Variants in GPC5 observed in about 807,000 individuals in gnomAD.
GPC5 encodes the protein glypican-5.
A neutral mutation model predicts 53.9 loss-of-function variants in GPC5; 47 were observed. The observed-to-expected ratio is 0.87, with a 90% confidence interval of 0.69 to 1.11. The LOEUF (loss-of-function observed/expected upper bound fraction) is 1.11. GPC5 is among the 50% of genes most tolerant of loss of function. GPC5 has a pLI of 0.00. For synonymous variants in GPC5, 286 were observed against 263.3 expected, an observed-to-expected ratio of 1.09 and a Z score of -0.84; for missense variants, 748 against 713.1, an observed-to-expected ratio of 1.05 and a Z score of -0.56.
chr13:92,297,903 TC>T (rs1183009117), intron 7 of GPC5, among the ~76,000 whole-genome samples: 1 of 151,972 alleles, frequency 6.6e-6, no homozygotes, highest in Non-Finnish European at 1.5e-5. Flanking sequence ...GCAGCTTCAC[TC>T]CTGAGCCCAG....
At chr13:91,809,118 A>G (rs913662056) in intron 5 of GPC5, among the ~76,000 whole-genome samples, 13 of 152,174 alleles carry the variant, frequency 8.5e-5, no homozygotes, top group African/African-American at 2.7e-4. Context: ...TCCAAAAAGC[A>G]TGATTAAGCC....
chr13:92,594,848 G>A (rs1883818838), intron 7 of GPC5, among the ~76,000 whole-genome samples: 2 of 152,058 alleles, frequency 1.3e-5, no homozygotes, highest in Non-Finnish European at 1.5e-5. Context: ...CATAATCATC[G>A]CTGCTTTACT....
chr13:91,776,138 T>A (rs342698), intron 5 of GPC5, among the ~76,000 whole-genome samples: 112,031 of 152,028 alleles, frequency 0.74, 41,580 homozygotes, highest in East Asian at 0.9. Flanking sequence ...ATCATCAATG[T>A]TGGACCCGAG....
At chr13:92,057,962 T>C (rs1057188903) in intron 6 of GPC5, among the ~76,000 whole-genome samples, 4 of 152,072 alleles carry the variant, frequency 2.6e-5, no homozygotes, top group Admixed American at 2.6e-4. Flanking sequence ...TGCAGGTTAG[T>C]TCTGGACGGA....
intron 7 of GPC5, among the ~76,000 whole-genome samples, chr13:92,815,408 A>T (rs1877434909): frequency 6.6e-6 from 1 of 151,952 alleles, no homozygotes; most frequent in Non-Finnish European, 1.5e-5. Context: ...GAGGCAAGAA[A>T]GTTTTTTGTA....
intron 5 of GPC5, among the ~76,000 whole-genome samples, chr13:91,832,225 CTCT>C (rs1444725924): frequency 1.3e-5 from 2 of 151,512 alleles, no homozygotes; most frequent in Admixed American, 1.3e-4. Flanking sequence ...CAATGTAATG[CTCT>C]TCTTTGTCTC....
At chr13:92,061,005 C>T (rs552492537) in intron 6 of GPC5, among the ~76,000 whole-genome samples, 1 of 152,102 alleles carries the variant, frequency 6.6e-6, no homozygotes, top group African/African-American at 2.4e-5. Context: ...GACTGCAAAA[C>T]ATTAAAGACA....
intron 6 of GPC5, among the ~76,000 whole-genome samples, chr13:92,030,848 G>A (rs1290060307): frequency 6.6e-6 from 1 of 152,198 alleles, no homozygotes; most frequent in Non-Finnish European, 1.5e-5. Context: ...ACGTGGGCCT[G>A]TTAACAGGAA....
intron 7 of GPC5, among the ~76,000 whole-genome samples, chr13:92,401,950 A>G (rs1875577348): frequency 6.6e-6 from 1 of 152,206 alleles, no homozygotes; most frequent in South Asian, 2.1e-4. Flanking sequence ...GGTTTGTAGG[A>G]AGAATAATTT....
chr13:92,657,563 T>C (rs1886175663), intron 7 of GPC5, among the ~76,000 whole-genome samples: 1 of 150,066 alleles, frequency 6.7e-6, no homozygotes, highest in Non-Finnish European at 1.5e-5. Flanking sequence ...CTACTAGTTT[T>C]CTAGAAGGTT....
chr13:91,414,009 G>A lies in GPC5; in HGVS notation c.163+14800G>A, dbSNP rs188555350. Among the ~76,000 whole-genome samples, 12 of 152,276 alleles carry A rather than the reference G, an allele frequency of 7.9e-5. No homozygotes were observed. The East Asian group carries it at 1.7e-3, about 22-fold the overall frequency. On this transcript the variant is annotated intron_variant, in intron 1 of 7. Transcript: ENST00000377067. ...TTCTCTCTTGGACTGTCATGATAGC[G>A]TATTGGTTTTATTTGCAGTTTTATC...
At chr13:91,532,869 G>A (rs1886414230) in intron 2 of GPC5, among the ~76,000 whole-genome samples, 1 of 152,094 alleles carries the variant, frequency 6.6e-6, no homozygotes, top group South Asian at 2.1e-4. Flanking sequence ...ATGAGACCCT[G>A]TCTCAAAAAT....
chr13:92,790,396 A>T (rs1876418811), intron 7 of GPC5, among the ~76,000 whole-genome samples: 1 of 152,204 alleles, frequency 6.6e-6, no homozygotes, highest in South Asian at 2.1e-4. Flanking sequence ...GTCAAAGCAG[A>T]GGCAACTATG....
intron 6 of GPC5, among the ~76,000 whole-genome samples, chr13:92,010,309 T>A (rs2040649187): frequency 6.6e-6 from 1 of 152,232 alleles, no homozygotes; most frequent in East Asian, 1.9e-4. Flanking sequence ...ACTTGTGGGT[T>A]TTTGCTCGTT....
In GPC5 at chr13:92,144,911, A is replaced by C; in HGVS notation, c.1483A>C (p.Ser495Arg). ...TGGTGGAGGCATGGTTGAACAAGTC[A>C]GTGGGGACTGTGATGATGAAGATGG... ...GSGGGMVEQV[S>R]GDCDDEDGCG... The change falls in exon 7 of 8, where the codon AGT (serine) becomes CGT (arginine). Residue 495 changes from serine to arginine, a missense_variant. By Grantham distance (110) the Ser-to-Arg change is moderately radical (BLOSUM62 -1). Transcript: ENST00000377067. 6.2e-7 allele frequency: 1 copy of C among 1,605,868 alleles called. No homozygotes were observed. Among genetic ancestry groups the C allele is most frequent in the Non-Finnish European group, 8.5e-7 (1 of 1,177,146 alleles).
chr13:91,712,580 G>A (rs2036250617), intron 3 of GPC5, among the ~76,000 whole-genome samples: 1 of 152,128 alleles, frequency 6.6e-6, no homozygotes, highest in African/African-American at 2.4e-5. Context: ...AGTCATCAGT[G>A]ATCTCTGATA....
intron 7 of GPC5, among the ~76,000 whole-genome samples, chr13:92,629,042 G>T (rs1885150328): frequency 6.6e-6 from 1 of 152,138 alleles, no homozygotes; most frequent in African/African-American, 2.4e-5. Context: ...CGCCTATCTT[G>T]TAACTTTGGA....
intron 7 of GPC5, among the ~76,000 whole-genome samples, chr13:92,362,988 T>G (rs920119192): frequency 6.6e-6 from 1 of 151,642 alleles, no homozygotes; most frequent in East Asian, 1.9e-4. Flanking sequence ...CTTGCAGAGT[T>G]GAGGAAGAAG....
At chr13:91,754,727 ATTTG>A (rs1383698076) in intron 4 of GPC5, among the ~76,000 whole-genome samples, 1 of 152,152 alleles carries the variant, frequency 6.6e-6, no homozygotes, top group Non-Finnish European at 1.5e-5. Flanking sequence ...ATAAATTGAT[ATTTG>A]TTCATGCATT....
Sources: allele counts gnomAD v4.1 joint callset (sites outside exome capture counted in the v4.1 genomes callset), GRCh38; gene constraint gnomAD v4.1.1; transcripts MANE v1.5; gene names NCBI Gene and HGNC (gene_info 2026-07-23, HGNC 2026-07-21).